NPTN: variants seen among roughly 807,000 people sequenced by gnomAD.
The protein encoded by NPTN is neuroplastin.
NPTN carries 5 observed loss-of-function variants against 42.7 expected under a neutral mutation model. The ratio of observed to expected loss-of-function variants is 0.12; its 90% CI spans 0.06 to 0.25. The LOEUF is 0.25. NPTN is among the 10% of genes least tolerant of loss of function. The pLI, the probability that NPTN is intolerant of heterozygous loss-of-function variation, is 1.00. For missense variants in NPTN, 307 were observed against 525.4 expected, an observed-to-expected ratio of 0.58 and a Z score of 4.06; for synonymous variants, 180 against 201.9, an observed-to-expected ratio of 0.89 and a Z score of 0.92.
At chr15:73,628,628 T>C (rs1031138420) in intron 1 of NPTN, among the ~76,000 whole-genome samples, 1 of 152,088 alleles carries the variant, frequency 6.6e-6, no homozygotes, top group African/African-American at 2.4e-5. Context: ...AGTTTCAGAG[T>C]TTACACACAA....
At chr15:73,568,304 T>C (rs1895154924) in intron 6 of NPTN, 2 of 985,470 alleles carry the variant, frequency 2.0e-6, no homozygotes, top group Non-Finnish European at 2.4e-6. Flanking sequence ...CAGCCAGCCT[T>C]GCCTTAAAAT....
intron 4 of NPTN, among the ~76,000 whole-genome samples, chr15:73,583,530 T>C (rs1234417264): frequency 6.6e-6 from 1 of 152,154 alleles, no homozygotes; most frequent in Non-Finnish European, 1.5e-5. Context: ...CCACAGTAAG[T>C]GTGCAATAAT....
chr15:73,597,925 A>G lies in NPTN; in HGVS notation c.92-556T>C, dbSNP rs1595936056. 6.6e-6 allele frequency among the ~76,000 whole-genome samples: 1 copy of G among 152,326 alleles called. No individual in the cohort carries two copies. The highest frequency in any genetic ancestry group is 2.1e-4 in the South Asian group (1 of 4,828). On this transcript the variant is annotated intron_variant, in intron 1 of 8. Transcript: ENST00000345330. This position sits in a 1 kb window ranked among gnomAD's most constrained non-coding sequence, Gnocchi z 6.3. ...CTTGGGATTCAGAGTTCAAATTTCA[A>G]CTGAAAGAGTAGCAAATTTCTCTCT...
At chr15:73,599,718 A>G (rs1286877170) in intron 1 of NPTN, 1 of 152,218 alleles carries the variant, frequency 6.6e-6, no homozygotes, top group Admixed American at 6.5e-5. Flanking sequence ...TCACCAGAGA[A>G]AACTGGATAT....
chr15:73,612,478 ATCAGACTG>A (rs1442566723), intron 1 of NPTN, among the ~76,000 whole-genome samples: 2 of 151,578 alleles, frequency 1.3e-5, no homozygotes, highest in Non-Finnish European at 2.9e-5. Flanking sequence ...CTTAAGATCT[ATCAGACTG>A]GCCAGGCGCA....
chr15:73,583,546 CTATTCT>C (rs905681525), intron 4 of NPTN, among the ~76,000 whole-genome samples: 3 of 152,148 alleles, frequency 2.0e-5, no homozygotes, highest in African/African-American at 7.2e-5. Flanking sequence ...ATAATGTTAG[CTATTCT>C]TATTCTTATT....
At chr15:73,602,478 A>C (rs1233924197) in intron 1 of NPTN, among the ~76,000 whole-genome samples, 1 of 152,230 alleles carries the variant, frequency 6.6e-6, no homozygotes, top group Non-Finnish European at 1.5e-5. Context: ...ACTGACATCT[A>C]AACGTGAATA....
intron 4 of NPTN, among the ~76,000 whole-genome samples, chr15:73,583,213 T>C (rs1011376434): frequency 6.6e-6 from 1 of 152,074 alleles, no homozygotes; most frequent in African/African-American, 2.4e-5. Context: ...CTGGTCAGAG[T>C]CACTGTGTTT....
At chr15:73,566,946 T>C in intron 6 of NPTN, 1 of 886,428 alleles carries the variant, frequency 1.1e-6, no homozygotes, top group Non-Finnish European at 1.4e-6. Flanking sequence ...GGTGGGTGTT[T>C]TCATGTAGGA....
chr15:73,632,118 G>A (rs1373621886), intron 1 of NPTN, among the ~76,000 whole-genome samples: 1 of 152,024 alleles, frequency 6.6e-6, no homozygotes, highest in African/African-American at 2.4e-5. Context: ...ATGTGTCCCT[G>A]TTTTCCCAAA....
At chr15:73,590,410 TACAAG>T (rs1896527259) in intron 3 of NPTN, among the ~76,000 whole-genome samples, 1 of 152,050 alleles carries the variant, frequency 6.6e-6, no homozygotes, top group South Asian at 2.1e-4. Context: ...CAGGCAATAG[TACAAG>T]ACCCAAGAGA....
chr15:73,596,965 G>T, intron 2 of NPTN, 57 bp downstream of exon 2: 1 of 1,385,086 alleles, frequency 7.2e-7, no homozygotes, highest in Non-Finnish European at 1.0e-6. Flanking sequence ...AGAAGGGAAG[G>T]GTCATTGGGC....
chr15:73,563,496 T>C (rs569770673), intron 6 of NPTN: 3 of 1,329,872 alleles, frequency 2.3e-6, no homozygotes, highest in Non-Finnish European at 1.9e-6. Flanking sequence ...ACACTTTGAA[T>C]GCTTGTCATG....
Position 73,633,321 on chromosome 15 carries a change from G to GAGGGAGGCAGCC in NPTN, c.-118_-107dup. 1.2e-6 allele frequency: 1 copy of GAGGGAGGCAGCC among 831,868 alleles called. No homozygotes were observed. Among genetic ancestry groups the GAGGGAGGCAGCC allele is most frequent in the Non-Finnish European group, 1.7e-6 (1 of 573,930 alleles). 51.5% of individuals were successfully genotyped at this position (831,868 alleles called of 1,614,324 possible). A position where few individuals can be genotyped will look rare whatever the true frequency, so the allele number is the denominator to read the frequency against. ...CGGGCGAGTGCGCGAGGGAGTGAGCGAGGGAGGCAGCCGCGGCTCGGCTCC... is the reference window on the plus strand; with the variant it reads ...CGGGCGAGTGCGCGAGGGAGTGAGCGAGGGAGGCAGCCAGGGAGGCAGCCGCGGCTCGGCTCC... On this transcript the variant is annotated 5_prime_UTR_variant, in exon 1 of 9. Transcript: ENST00000345330.
intron 6 of NPTN, chr15:73,565,829 C>CTG (rs1177002751): frequency 2.2e-6 from 1 of 455,760 alleles, no homozygotes; most frequent in Non-Finnish European, 4.4e-6. Context: ...ACCGAATGGA[C>CTG]CACAGCCCTC....
At chr15:73,622,363 T>C (rs1381198610) in intron 1 of NPTN, among the ~76,000 whole-genome samples, 5 of 151,968 alleles carry the variant, frequency 3.3e-5, no homozygotes, top group Non-Finnish European at 7.4e-5. Flanking sequence ...ACAAATATAT[T>C]CCAAGCCCCC....
At chr15:73,617,766 C>A (rs1403413569) in intron 1 of NPTN, among the ~76,000 whole-genome samples, 2 of 152,216 alleles carry the variant, frequency 1.3e-5, no homozygotes, top group Admixed American at 1.3e-4. Flanking sequence ...GAAATACACA[C>A]ACGTGTTACT....
In NPTN at chr15:73,591,976, T is replaced by A; in HGVS notation, c.601A>T (p.Met201Leu). 1 of 1,612,890 alleles carries A rather than the reference T, an allele frequency of 6.2e-7. No individual in the cohort carries two copies. The highest frequency in any genetic ancestry group is 8.5e-7 in the Non-Finnish European group (1 of 1,179,338). The stretch of plus-strand genomic sequence containing the variant: ...GCCCACCACTCTCACCTGTACTCCA[T>A]GTTGCTGGCATTCTTACGAGTGGCA... ...LSATRKNASN[M>L]EYRINKPRAE... Residue 201 changes from methionine to leucine, a missense_variant, in exon 3 of 9, where the codon ATG (methionine) becomes TTG (leucine). By Grantham distance (15) the Met-to-Leu change is conservative. This residue lies in a region of NPTN where 264 missense variants were observed against 491.1 expected (regional missense o/e 0.54). Coordinates refer to ENST00000345330, the MANE Select transcript of NPTN (RefSeq NM_012428.4).
intron 1 of NPTN, among the ~76,000 whole-genome samples, chr15:73,598,369 C>G (rs1896924303): frequency 1.3e-5 from 2 of 152,070 alleles, no homozygotes; most frequent in Admixed American, 1.3e-4. Context: ...AACCAACACT[C>G]TTAGGAACTG....
Sources: allele counts gnomAD v4.1 joint callset (sites outside exome capture counted in the v4.1 genomes callset), GRCh38; gene constraint gnomAD v4.1.1; regional missense constraint gnomAD v4.1.1; non-coding constraint Gnocchi (gnomAD v3.1); transcripts MANE v1.5; gene names NCBI Gene and HGNC (gene_info 2026-07-23, HGNC 2026-07-21).